Variants in GTF2I observed in about 807,000 individuals in gnomAD.
The protein encoded by GTF2I is general transcription factor II-I.
Under a neutral mutation model 67.6 loss-of-function variants are expected in GTF2I, and 12 were observed. The ratio of observed to expected loss-of-function variants is 0.18; its 90% CI spans 0.11 to 0.29. GTF2I has a LOEUF of 0.29. GTF2I is among the 10% of genes least tolerant of loss of function. The pLI, the probability that GTF2I is intolerant of heterozygous loss-of-function variation, is 1.00. For missense variants in GTF2I, 271 were observed against 580.1 expected (o/e 0.47, Z 5.47); for synonymous variants, 149 against 197.0 (o/e 0.76, Z 2.04).
Position 74,705,186 on chromosome 7 carries a change from T to C in GTF2I, c.609T>C (p.Asp203=), listed in dbSNP as rs138377665. 16 of 1,606,528 alleles carry C rather than the reference T, an allele frequency of 1.0e-5. No individual in the cohort carries two copies. The highest frequency in any genetic ancestry group is 8.3e-5 in the Admixed American group (5 of 59,972). The change falls in exon 7 of 35, where the codon GAT becomes GAC. Residue 203 remains aspartate, a synonymous_variant. Coordinates refer to ENST00000573035, the MANE Select transcript of GTF2I (RefSeq NM_032999.4). ...TAGGTGGTCGTGTGATGGTAACAGA[T>C]GCTGACAGGTCAATACTATCTCCAG... ...KHVGGRVMVT[D]ADRSILSPGG...
intron 12 of GTF2I, among the ~76,000 whole-genome samples, chr7:74,719,181 G>A (rs1252376982): frequency 1.3e-5 from 2 of 152,078 alleles, no homozygotes; most frequent in African/African-American, 2.4e-5. Flanking sequence ...GCTATCAGTG[G>A]GAGTTGAAAA....
intron 1 of GTF2I, among the ~76,000 whole-genome samples, chr7:74,676,109 T>A (rs2131236882): frequency 6.6e-6 from 1 of 152,146 alleles, no homozygotes; most frequent in East Asian, 1.9e-4. Context: ...TCTTAGCAAT[T>A]CTGTGATCTT....
At chr7:74,696,722 T>C (rs1584169118) in intron 3 of GTF2I, among the ~76,000 whole-genome samples, 1 of 152,184 alleles carries the variant, frequency 6.6e-6, no homozygotes, top group East Asian at 1.9e-4. Context: ...CTTAAACTCC[T>C]GACCTCAGGC....
intron 1 of GTF2I, among the ~76,000 whole-genome samples, chr7:74,686,895 G>GT (rs199811559): frequency 0.024 from 3,380 of 142,144 alleles, 51 homozygotes; most frequent in African/African-American, 0.041. Flanking sequence ...TTTTGTTTTT[G>GT]TTTTTTTTTT....
In GTF2I at chr7:74,724,813, C is replaced by T. The variant is rs371461936; in HGVS notation, c.944-3973C>T. Among the ~76,000 whole-genome samples, 163 of 152,092 alleles carry T rather than the reference C, an allele frequency of 1.1e-3. 3 individuals carry two copies. Among genetic ancestry groups the T allele is most frequent in the African/African-American group, 3.5e-3 (147 of 41,498 alleles). ...GTGGGCGCCTGTAATCCCAGCTACT[C>T]TGGAGGCTGAGGCAGGAGAATTGCT... On this transcript the variant is annotated intron_variant, in intron 12 of 34. Transcript: ENST00000573035.
intron 23 of GTF2I, among the ~76,000 whole-genome samples, chr7:74,747,792 C>CAAA (rs4028287): frequency 1.4e-4 from 5 of 35,328 alleles, no homozygotes; most frequent in African/African-American, 2.9e-4. Flanking sequence ...AACTTTGTCT[C>CAAA]AAAAAAAAAA....
intron 9 of GTF2I, among the ~76,000 whole-genome samples, chr7:74,713,019 G>T (rs587759109): frequency 6.6e-6 from 1 of 152,216 alleles, no homozygotes; most frequent in South Asian, 2.1e-4. Context: ...CTCAATGAGT[G>T]GTAGGCACCT....
At chr7:74,723,429 T>C (rs942096235) in intron 12 of GTF2I, among the ~76,000 whole-genome samples, 580 of 36,144 alleles carry the variant, frequency 0.016, 6 homozygotes, top group African/African-American at 0.049. Context: ...TCCCGGCCTC[T>C]TTTTTTTTTT....
chr7:74,680,552 G>A (rs587724458), intron 1 of GTF2I, among the ~76,000 whole-genome samples: 2 of 151,996 alleles, frequency 1.3e-5, no homozygotes, highest in East Asian at 1.9e-4. Flanking sequence ...ACCAGCCTGC[G>A]CAACATAGTG....
chr7:74,667,516 C>T (rs1447520270), intron 1 of GTF2I, among the ~76,000 whole-genome samples: 2 of 151,774 alleles, frequency 1.3e-5, no homozygotes, highest in Admixed American at 6.6e-5. Context: ...ACCATTTTAA[C>T]CTTTTTTTGT....
intron 1 of GTF2I, among the ~76,000 whole-genome samples, chr7:74,669,060 CG>C (rs1459488645): frequency 2.0e-5 from 3 of 151,830 alleles, no homozygotes; most frequent in Admixed American, 6.6e-5. Context: ...TTTATCATGT[CG>C]GGAACAGTAA....
At chr7:74,688,316 T>A (rs931572488) in intron 1 of GTF2I, among the ~76,000 whole-genome samples, 3 of 152,096 alleles carry the variant, frequency 2.0e-5, no homozygotes, top group African/African-American at 7.2e-5. Context: ...CGACCTCAGG[T>A]GATCCACCTG....
intron 8 of GTF2I, 152 bp downstream of exon 8, chr7:74,706,585 G>C (rs1790729445): frequency 1.6e-6 from 1 of 620,920 alleles, no homozygotes; most frequent in Non-Finnish European, 2.8e-6. Context: ...ATTTGTTAAT[G>C]TTATCACATT....
chr7:74,728,219 T>A (rs1257137994), intron 12 of GTF2I, among the ~76,000 whole-genome samples: 1 of 152,148 alleles, frequency 6.6e-6, no homozygotes, highest in Non-Finnish European at 1.5e-5. Flanking sequence ...TGAGAATCGC[T>A]TGAGCCCAGG....
At chr7:74,696,177 T>C (rs1429758300) in intron 3 of GTF2I, among the ~76,000 whole-genome samples, 3 of 151,896 alleles carry the variant, frequency 2.0e-5, no homozygotes, top group African/African-American at 7.3e-5. Flanking sequence ...AGATGGGGTT[T>C]TGCCCTGTTG....
chr7:74,719,030 C>G, intron 12 of GTF2I, 89 bp downstream of exon 12: 1 of 694,596 alleles, frequency 1.4e-6, no homozygotes, highest in South Asian at 1.9e-5. Context: ...GCATTTCATT[C>G]ATTTTTAAAG....
At chr7:74,685,575 T>A (rs587624765) in intron 1 of GTF2I, among the ~76,000 whole-genome samples, 1 of 152,086 alleles carries the variant, frequency 6.6e-6, no homozygotes, top group Non-Finnish European at 1.5e-5. Context: ...CAGACCAGCC[T>A]GGCCAACATG....
chr7:74,712,347 T>C (rs1363032021), intron 9 of GTF2I, among the ~76,000 whole-genome samples: 2 of 152,190 alleles, frequency 1.3e-5, no homozygotes, highest in Non-Finnish European at 2.9e-5. Context: ...AAACAACGTG[T>C]AACTATTTCA....
intron 1 of GTF2I, among the ~76,000 whole-genome samples, chr7:74,667,389 TA>T (rs1466182987): frequency 6.6e-6 from 1 of 152,174 alleles, no homozygotes; most frequent in Non-Finnish European, 1.5e-5. Context: ...TTATGAAGAA[TA>T]AATTTGTGTC....
Sources: gnomAD v4.1 joint callset for allele counts (sites outside exome capture counted in the v4.1 genomes callset) on GRCh38, gnomAD v4.1.1 for gene constraint, MANE v1.5 for transcripts, NCBI Gene and HGNC (gene_info 2026-07-23, HGNC 2026-07-21) for gene names.